Variants in BCL2A1 observed in about 807,000 individuals in gnomAD.
BCL2A1 encodes the protein bcl-2-related protein A1.
Under a neutral mutation model 14.4 loss-of-function variants are expected in BCL2A1, and 10 were observed. The observed-to-expected ratio is 0.69, with a 90% confidence interval of 0.43 to 1.18. BCL2A1 has a LOEUF of 1.18. BCL2A1 is among the 50% of genes most tolerant of loss of function. BCL2A1 has a pLI of 0.00. For missense variants in BCL2A1, 158 were observed against 205.0 expected (o/e 0.77, Z 1.40); for synonymous variants, 71 against 76.5 (o/e 0.93, Z 0.38).
intron 1 of BCL2A1, among the ~76,000 whole-genome samples, chr15:79,962,269 G>T (rs1483705912): frequency 6.6e-6 from 1 of 152,136 alleles, no homozygotes; most frequent in African/African-American, 2.4e-5. Context: ...AGCATCACTG[G>T]CAAAGCAGAT....
At chr15:79,962,480 T>A (rs938197440) in intron 1 of BCL2A1, among the ~76,000 whole-genome samples, 1 of 152,120 alleles carries the variant, frequency 6.6e-6, no homozygotes, top group African/African-American at 2.4e-5. Flanking sequence ...AGGTATCCAC[T>A]TCATTACTCC....
At chr15:79,970,399 A>T (rs1473577958) in intron 1 of BCL2A1, among the ~76,000 whole-genome samples, 1 of 152,184 alleles carries the variant, frequency 6.6e-6, no homozygotes, top group Non-Finnish European at 1.5e-5. Flanking sequence ...GAGTGTGTGC[A>T]CAGCTGATTG....
intron 1 of BCL2A1, among the ~76,000 whole-genome samples, chr15:79,968,701 G>T (rs574673645): frequency 2.2e-3 from 334 of 152,306 alleles, no homozygotes; most frequent in Non-Finnish European, 3.8e-3. Flanking sequence ...GAGGCCAAAG[G>T]GGGAGGATCA....
intron 1 of BCL2A1, chr15:79,967,509 C>G: frequency 9.5e-7 from 1 of 1,055,846 alleles, no homozygotes; most frequent in Admixed American, 2.5e-5. Context: ...AGCCACTGCA[C>G]CCGGCACATA....
Position 79,971,136 on chromosome 15 carries a change from A to G in BCL2A1, c.-17T>C. On this transcript the variant is annotated 5_prime_UTR_variant, in exon 1 of 2. Coordinates refer to ENST00000267953, the MANE Select transcript of BCL2A1 (RefSeq NM_004049.4). ...GTCTGTCATCTTCTGCCTGGTGGAGAGCAAAGTCTTGAGCTGGCTCACCTT... is the reference window on the plus strand; with the variant it reads ...GTCTGTCATCTTCTGCCTGGTGGAGGGCAAAGTCTTGAGCTGGCTCACCTT... 1 of 1,608,040 alleles carries G rather than the reference A, an allele frequency of 6.2e-7. No individual in the cohort carries two copies. The highest frequency in any genetic ancestry group is 8.5e-7 in the Non-Finnish European group (1 of 1,176,234).
intron 1 of BCL2A1, among the ~76,000 whole-genome samples, chr15:79,965,292 T>C (rs2035530424): frequency 1.3e-5 from 2 of 152,114 alleles, no homozygotes; most frequent in Admixed American, 6.5e-5. Flanking sequence ...CACGCCCAGC[T>C]AATTTTTTGT....
intron 1 of BCL2A1, among the ~76,000 whole-genome samples, chr15:79,965,960 G>GA (rs398057861): frequency 0.047 from 4,432 of 93,460 alleles, 196 homozygotes; most frequent in African/African-American, 0.14. Flanking sequence ...GGATGACAAA[G>GA]AAAAAAAAAA....
chr15:79,962,354 A>C (rs1567022770), intron 1 of BCL2A1, among the ~76,000 whole-genome samples: 1 of 152,162 alleles, frequency 6.6e-6, no homozygotes, highest in Non-Finnish European at 1.5e-5. Flanking sequence ...TGTTAAGTGT[A>C]CATCGTGCTC....
At chr15:79,967,525 T>C (rs1009785723) in intron 1 of BCL2A1, 9 of 1,198,192 alleles carry the variant, frequency 7.5e-6, no homozygotes, top group Admixed American at 4.5e-5. Flanking sequence ...ACATACCGCA[T>C]TGTTGATTCA....
chr15:79,969,863 A>G (rs566168772), intron 1 of BCL2A1, among the ~76,000 whole-genome samples: 1 of 152,318 alleles, frequency 6.6e-6, no homozygotes, highest in East Asian at 1.9e-4. Context: ...GGGAGAGGTG[A>G]AGGCCGTTGG....
intron 1 of BCL2A1, among the ~76,000 whole-genome samples, chr15:79,964,963 A>G (rs143863405): frequency 6.6e-6 from 1 of 152,224 alleles, no homozygotes; most frequent in African/African-American, 2.4e-5. Context: ...GGCTGGAGCT[A>G]TGAGAGCACG....
chr15:79,966,125 A>C (rs942859212), intron 1 of BCL2A1, among the ~76,000 whole-genome samples: 1 of 152,196 alleles, frequency 6.6e-6, no homozygotes, highest in Non-Finnish European at 1.5e-5. Flanking sequence ...TCGTAGTTGC[A>C]CAGTATTTGA....
At position 79,963,243 on chromosome 15, in the gene BCL2A1, C is replaced by T. The variant is rs545124281; in HGVS notation, c.421-2069G>A. Among the ~76,000 whole-genome samples, 4 of 152,322 alleles carry T rather than the reference C, an allele frequency of 2.6e-5. No homozygotes were observed. The South Asian group carries it at 8.3e-4, about 32-fold the overall frequency. ...GACCTCATGATCCACCCGCCTCGGC[C>T]TCCCAAAGTGCTGGGGTTACAGGCA... On this transcript the variant is annotated intron_variant, in intron 1 of 1. Transcript: ENST00000267953.
At chr15:79,961,817 T>A (rs1350062479) in intron 1 of BCL2A1, among the ~76,000 whole-genome samples, 2 of 152,214 alleles carry the variant, frequency 1.3e-5, no homozygotes, top group Admixed American at 6.5e-5. Flanking sequence ...GATAACCCAA[T>A]TAACTGGACA....
chr15:79,961,197 C>T (rs2035487766), intron 1 of BCL2A1, 23 bp from the exon 2 acceptor site: 1 of 1,594,746 alleles, frequency 6.3e-7, no homozygotes, highest in Non-Finnish European at 8.6e-7. Flanking sequence ...AAATTTAACA[C>T]TTTAAACATC....
At position 79,960,979 on chromosome 15, in the gene BCL2A1, A is replaced by G. The variant is rs775210975; in HGVS notation, c.*88T>C. 5.1e-5 allele frequency: 81 copies of G among 1,577,094 alleles called. No individual in the cohort carries two copies. The highest frequency in any genetic ancestry group is 6.5e-5 in the Non-Finnish European group (75 of 1,152,842). ...TCAAGTTACATCATCAAAGTTGTTT[A>G]TTTAAAAGTAGAAGTATGTGTTGGC... is the stretch of plus-strand genomic sequence containing the variant. On this transcript the variant is annotated 3_prime_UTR_variant, in exon 2 of 2. Transcript: ENST00000267953.
intron 1 of BCL2A1, among the ~76,000 whole-genome samples, chr15:79,968,640 C>G (rs2035566470): frequency 6.6e-6 from 1 of 152,318 alleles, no homozygotes; most frequent in African/African-American, 2.4e-5. Flanking sequence ...CTGCCACATA[C>G]ATAAAAATAA....
intron 1 of BCL2A1, among the ~76,000 whole-genome samples, chr15:79,962,694 CG>C (rs1375218497): frequency 6.6e-6 from 1 of 151,556 alleles, no homozygotes. Context: ...ACTACAGACG[CG>C]CACCACCATG....
chr15:79,966,557 G>T (rs540237370), intron 1 of BCL2A1, among the ~76,000 whole-genome samples: 14 of 152,256 alleles, frequency 9.2e-5, no homozygotes, highest in African/African-American at 3.1e-4. Flanking sequence ...AGACCCATCT[G>T]GTTCAAAAGG....
Sources: gnomAD v4.1 joint callset for allele counts (sites outside exome capture counted in the v4.1 genomes callset) on GRCh38, gnomAD v4.1.1 for gene constraint, MANE v1.5 for transcripts, NCBI Gene and HGNC (gene_info 2026-07-23, HGNC 2026-07-21) for gene names.